Variants in EPHA6 observed in about 807,000 individuals in gnomAD.
EPHA6 encodes ephrin type-A receptor 6.
EPHA6 carries 50 observed loss-of-function variants against 112.0 expected under a neutral mutation model. The ratio of observed to expected loss-of-function variants is 0.45; its 90% CI spans 0.36 to 0.56. The LOEUF is 0.56. Ranked by LOEUF, EPHA6 falls within the 20% of genes least tolerant of loss-of-function variation. EPHA6 has a pLI of 0.00. For missense variants in EPHA6, 1,280 were observed against 1,417.4 expected, an observed-to-expected ratio of 0.90 and a Z score of 1.56; for synonymous variants, 529 against 490.7, an observed-to-expected ratio of 1.08 and a Z score of -1.03.
intron 4 of EPHA6, among the ~76,000 whole-genome samples, chr3:97,231,894 A>C (rs1244030851): frequency 1.3e-5 from 2 of 152,140 alleles, no homozygotes; most frequent in Non-Finnish European, 2.9e-5. Context: ...CTCCTAGGGA[A>C]GGGCTTTTAA....
intron 5 of EPHA6, among the ~76,000 whole-genome samples, chr3:97,301,543 T>A (rs537800914): frequency 9.9e-5 from 15 of 152,264 alleles, no homozygotes; most frequent in African/African-American, 3.6e-4. Context: ...AATAAATAGC[T>A]TGTCTATCAT....
At chr3:97,457,294 C>T (rs759648279) in intron 7 of EPHA6, among the ~76,000 whole-genome samples, 6 of 151,154 alleles carry the variant, frequency 4.0e-5, no homozygotes, top group Admixed American at 6.6e-5. Flanking sequence ...GTGGTTCTTA[C>T]GGGGAAAGGG....
chr3:97,690,688 G>A (rs1485197438), intron 14 of EPHA6, among the ~76,000 whole-genome samples: 2 of 152,030 alleles, frequency 1.3e-5, no homozygotes, highest in East Asian at 1.9e-4. Context: ...GGCCGGTCTC[G>A]AACTCCTGAC....
intron 2 of EPHA6, among the ~76,000 whole-genome samples, chr3:96,908,902 A>C (rs2039073763): frequency 6.6e-6 from 1 of 151,974 alleles, no homozygotes; most frequent in Non-Finnish European, 1.5e-5. Context: ...GCTTCATTGG[A>C]GTTAATCTGC....
At chr3:97,246,874 T>TA (rs1021961406) in intron 5 of EPHA6, among the ~76,000 whole-genome samples, 5 of 151,914 alleles carry the variant, frequency 3.3e-5, no homozygotes, top group South Asian at 2.1e-4. Flanking sequence ...CAGGTAAGGG[T>TA]AATGTTATGA....
At chr3:96,953,948 C>T (rs1030917777) in intron 2 of EPHA6, among the ~76,000 whole-genome samples, 7 of 152,044 alleles carry the variant, frequency 4.6e-5, no homozygotes, top group Non-Finnish European at 1.0e-4. Context: ...TCTCAGCTCA[C>T]TGCAACCTCT....
chr3:97,256,934 G>A (rs1384352030), intron 5 of EPHA6, among the ~76,000 whole-genome samples: 6 of 151,960 alleles, frequency 3.9e-5, no homozygotes, highest in African/African-American at 1.2e-4. Context: ...ATTAGCTTAT[G>A]TATCAGAAAT....
At chr3:97,279,263 A>G (rs2080205284) in intron 5 of EPHA6, among the ~76,000 whole-genome samples, 1 of 152,210 alleles carries the variant, frequency 6.6e-6, no homozygotes, top group Non-Finnish European at 1.5e-5. Context: ...GATATTAAAA[A>G]ATTAATAGAT....
intron 3 of EPHA6, among the ~76,000 whole-genome samples, chr3:97,175,919 GA>G (rs1161723795): frequency 6.6e-6 from 1 of 151,726 alleles, no homozygotes; most frequent in East Asian, 1.9e-4. Context: ...GATTGCTCTA[GA>G]TAGGCCTTCC....
intron 3 of EPHA6, among the ~76,000 whole-genome samples, chr3:97,189,332 G>A (rs1433998028): frequency 4.6e-5 from 7 of 152,032 alleles, no homozygotes; most frequent in Non-Finnish European, 8.8e-5. Context: ...TTGGAAACAT[G>A]AGCATTCTTG....
chr3:96,931,018 A>AAAG (rs1553733277), intron 2 of EPHA6, among the ~76,000 whole-genome samples: 3,544 of 84,498 alleles, frequency 0.042, 870 homozygotes, highest in African/African-American at 0.065. Context: ...AAAAAAAAAA[A>AAAG]AAAGAAAAGC....
chr3:97,203,132 TAAGTAAATGTAGACTCTAG>T (rs2077623062), intron 3 of EPHA6, among the ~76,000 whole-genome samples: 1 of 152,122 alleles, frequency 6.6e-6, no homozygotes, highest in Non-Finnish European at 1.5e-5. Context: ...TTAAGCAGGG[TAAGTAAATGTAGACTCTAG>T]AGTCTCTGCT....
At chr3:97,445,600 G>A (rs1420306468) in intron 6 of EPHA6, among the ~76,000 whole-genome samples, 2 of 151,908 alleles carry the variant, frequency 1.3e-5, no homozygotes, top group Non-Finnish European at 2.9e-5. Flanking sequence ...TGCTGATAAT[G>A]AGTTAAGCAT....
chr3:97,006,701 G>A (rs1188802612), intron 3 of EPHA6, among the ~76,000 whole-genome samples: 1 of 152,000 alleles, frequency 6.6e-6, no homozygotes, highest in African/African-American at 2.4e-5. Flanking sequence ...TGATTTTAGG[G>A]TGTTGATTCA....
chr3:97,277,855 T>A (rs1038266092), intron 5 of EPHA6, among the ~76,000 whole-genome samples: 1 of 152,166 alleles, frequency 6.6e-6, no homozygotes, highest in Non-Finnish European at 1.5e-5. Context: ...GCCTAGGACA[T>A]GATTGCATGC....
At chr3:97,247,694 T>G (rs1407529089) in intron 5 of EPHA6, among the ~76,000 whole-genome samples, 1 of 151,402 alleles carries the variant, frequency 6.6e-6, no homozygotes, top group Admixed American at 6.6e-5. Context: ...AGCTGAAGAG[T>G]TCATCTAAAA....
At chr3:97,095,277 G>C (rs977743240) in intron 3 of EPHA6, among the ~76,000 whole-genome samples, 4 of 151,836 alleles carry the variant, frequency 2.6e-5, no homozygotes, top group Non-Finnish European at 5.9e-5. Flanking sequence ...ACAGGAAGGG[G>C]AACATCACAC....
chr3:97,300,395 T>C (rs55758899), intron 5 of EPHA6, among the ~76,000 whole-genome samples: 3,106 of 152,276 alleles, frequency 0.02, 46 homozygotes, highest in Non-Finnish European at 0.029. Flanking sequence ...TTGTCAGATA[T>C]TACTCTTGAC....
chr3:96,957,968 TAA>T (rs1034025617), intron 2 of EPHA6, among the ~76,000 whole-genome samples: 5 of 152,152 alleles, frequency 3.3e-5, no homozygotes, highest in African/African-American at 1.2e-4. Context: ...GCAACTAGCT[TAA>T]AAGAGTTCCT....
Sources: gnomAD v4.1 joint callset for allele counts (sites outside exome capture counted in the v4.1 genomes callset) on GRCh38, gnomAD v4.1.1 for gene constraint, MANE v1.5 for transcripts, NCBI Gene and HGNC (gene_info 2026-07-23, HGNC 2026-07-21) for gene names.